SFI1: variants seen among roughly 807,000 people sequenced by gnomAD.
The protein encoded by SFI1 is SFI1 centrin binding protein.
A neutral mutation model predicts 207.5 loss-of-function variants in SFI1; 195 were observed. The ratio of observed to expected loss-of-function variants is 0.94; its 90% confidence interval spans 0.84 to 1.06. The LOEUF (loss-of-function observed/expected upper bound fraction) is 1.06, where lower values mean the gene tolerates loss of function less well. SFI1 is among the 50% of genes least tolerant of loss of function. The pLI is 0.00. For missense variants in SFI1, 1,634 were observed against 1,588.0 expected (o/e 1.03, Z -0.49); for synonymous variants, 630 against 598.9 (o/e 1.05, Z -0.76).
intron 22 of SFI1, among the ~76,000 whole-genome samples, chr22:31,610,865 G>T (rs150177582): frequency 4.2e-4 from 64 of 152,332 alleles, no homozygotes; most frequent in African/African-American, 1.5e-3. Flanking sequence ...TGGCACCCCT[G>T]TGGAGGCTGT....
Position 31,561,353 on chromosome 22 carries a change from C to T in SFI1, c.726C>T (p.Ala242=). Residue 242 remains alanine, a synonymous_variant, in exon 8 of 33, where the codon GCC becomes GCT. Coordinates refer to ENST00000400288, the MANE Select transcript of SFI1 (RefSeq NM_001007467.3). ...GQVRVSRALH[A]SALKHRALSL... is the part of the protein sequence containing the mutation. Reference sequence around the variant, plus strand: ...TCCGTGTGAGCCGTGCCCTCCATGCCTCTGCTTTGAAGCACAGGGCCCTGA... The same window carrying T: ...TCCGTGTGAGCCGTGCCCTCCATGCTTCTGCTTTGAAGCACAGGGCCCTGA... 8 of 1,614,106 alleles carry T rather than the reference C, an allele frequency of 5.0e-6. No individual in the cohort carries two copies. The highest frequency in any genetic ancestry group is 5.9e-6 in the Non-Finnish European group (7 of 1,180,014).
intron 6 of SFI1, among the ~76,000 whole-genome samples, chr22:31,554,003 A>T (rs576202380): frequency 6.6e-6 from 1 of 150,782 alleles, no homozygotes; most frequent in Non-Finnish European, 1.5e-5. Context: ...TACCTGGCTA[A>T]GTTTTTTATA....
chr22:31,527,599 A>G (rs1205240392), intron 2 of SFI1, among the ~76,000 whole-genome samples: 1 of 152,098 alleles, frequency 6.6e-6, no homozygotes, highest in Non-Finnish European at 1.5e-5. Context: ...TTTTTTAAAA[A>G]GTATATTAAA....
At chr22:31,576,195 T>A (rs1569356669) in intron 10 of SFI1, among the ~76,000 whole-genome samples, 1 of 152,122 alleles carries the variant, frequency 6.6e-6, no homozygotes. Flanking sequence ...TGGCTAATTT[T>A]TGTATTTTTA....
chr22:31,548,643 C>CA (rs763681575), intron 5 of SFI1, among the ~76,000 whole-genome samples: 222 of 106,396 alleles, frequency 2.1e-3, no homozygotes, highest in Middle Eastern at 0.01. Flanking sequence ...ACTCCGTCTC[C>CA]AAAAAAAAAA....
At chr22:31,594,419 A>G (rs1603278373) in intron 15 of SFI1, among the ~76,000 whole-genome samples, 1 of 151,772 alleles carries the variant, frequency 6.6e-6, no homozygotes, top group East Asian at 2.0e-4. Flanking sequence ...CTGGTGGCAC[A>G]TGCCTGTAAT....
chr22:31,518,355 C>T (rs2056798590), intron 2 of SFI1, among the ~76,000 whole-genome samples: 1 of 152,078 alleles, frequency 6.6e-6, no homozygotes, highest in East Asian at 1.9e-4. Context: ...GAAAAACTGA[C>T]ATCTGTATTG....
chr22:31,517,117 G>C (rs190011733), intron 2 of SFI1, among the ~76,000 whole-genome samples: 14 of 151,856 alleles, frequency 9.2e-5, no homozygotes, highest in Non-Finnish European at 1.9e-4. Flanking sequence ...CTGGGTGACA[G>C]AGTGAGACTC....
intron 12 of SFI1, among the ~76,000 whole-genome samples, chr22:31,582,222 ATATATATATATATATTTTTTTTTTTTTT>A (rs1569376990): frequency 1.6e-4 from 5 of 31,490 alleles, no homozygotes; most frequent in African/African-American, 6.3e-4. Flanking sequence ...ATATATATAT[ATATATATATATATATTTTTTTTTTTTTT>A]TTTTTTTTTT....
intron 22 of SFI1, among the ~76,000 whole-genome samples, chr22:31,610,055 T>G (rs1336445380): frequency 1.3e-5 from 2 of 152,202 alleles, no homozygotes; most frequent in East Asian, 3.8e-4. Context: ...CTTGGGAGAC[T>G]GGGCTGCAAG....
At chr22:31,542,488 C>A (rs2059650821) in intron 4 of SFI1, among the ~76,000 whole-genome samples, 1 of 151,768 alleles carries the variant, frequency 6.6e-6, no homozygotes, top group African/African-American at 2.4e-5. Flanking sequence ...ATTAGCTGGG[C>A]ATGGTGGTGT....
intron 2 of SFI1, among the ~76,000 whole-genome samples, chr22:31,527,836 G>A (rs1026817438): frequency 2.0e-5 from 3 of 151,824 alleles, no homozygotes; most frequent in Non-Finnish European, 2.9e-5. Context: ...AAAATTGGCC[G>A]GGAACAGTGG....
intron 1 of SFI1, among the ~76,000 whole-genome samples, chr22:31,501,896 A>C (rs1389266744): frequency 6.6e-6 from 1 of 150,436 alleles, no homozygotes; most frequent in Non-Finnish European, 1.5e-5. Flanking sequence ...ATTTCCTCCC[A>C]TGTCCCCACG....
intron 22 of SFI1, 83 bp from the exon 23 acceptor site, chr22:31,611,060 C>G: frequency 6.3e-7 from 1 of 1,577,142 alleles, no homozygotes; most frequent in Non-Finnish European, 8.7e-7. Flanking sequence ...GCACAGCCAT[C>G]TCTGCTGTCT....
intron 8 of SFI1, among the ~76,000 whole-genome samples, chr22:31,566,787 A>T (rs115733658): frequency 0.02 from 3,089 of 152,266 alleles, 96 homozygotes; most frequent in African/African-American, 0.069. Context: ...AAGGCTCTAT[A>T]TTTGACAGAG....
At chr22:31,616,957 GAGGGGAAA>G in intron 30 of SFI1, 35 bp from the exon 31 acceptor site, 2 of 1,613,578 alleles carry the variant, frequency 1.2e-6, no homozygotes, top group Non-Finnish European at 1.7e-6. Flanking sequence ...CCTGGTCCCC[GAGGGGAAA>G]ATAGTCTGAA....
intron 3 of SFI1, among the ~76,000 whole-genome samples, chr22:31,530,291 C>T (rs1424845401): frequency 6.8e-6 from 1 of 147,338 alleles, no homozygotes; most frequent in Admixed American, 6.9e-5. Context: ...GAGATCGAGA[C>T]CATCCTGGCT....
intron 11 of SFI1, among the ~76,000 whole-genome samples, chr22:31,579,107 G>A (rs2063814539): frequency 6.6e-6 from 1 of 151,450 alleles, no homozygotes; most frequent in Non-Finnish European, 1.5e-5. Flanking sequence ...CTATAGGCAT[G>A]TGCCACCAGG....
At chr22:31,615,005 G>C in intron 28 of SFI1, 43 bp from the exon 29 acceptor site, 1 of 1,595,100 alleles carries the variant, frequency 6.3e-7, no homozygotes, top group Non-Finnish European at 8.6e-7. Context: ...TCCCAGAGGA[G>C]GGTCCTGTGG....
Sources: allele counts gnomAD v4.1 joint callset (sites outside exome capture counted in the v4.1 genomes callset), GRCh38; gene constraint gnomAD v4.1.1; transcripts MANE v1.5; gene names NCBI Gene and HGNC (gene_info 2026-07-23, HGNC 2026-07-21).